The following HIBCH variants were observed in gnomAD, a reference collection of about 807,000 sequenced individuals.
HIBCH encodes the protein 3-hydroxyisobutyryl-CoA hydrolase, mitochondrial.
HIBCH carries 50 observed loss-of-function variants against 58.2 expected under a neutral mutation model. That is an observed-to-expected ratio of 0.86 (90% CI 0.68 to 1.09). The LOEUF (loss-of-function observed/expected upper bound fraction) is 1.09, where lower values mean the gene tolerates loss of function less well. Among genes scored for constraint, HIBCH ranks in the 50% least tolerant of loss-of-function variants. The pLI is 0.00. For missense variants in HIBCH, 450 were observed against 449.7 expected, an observed-to-expected ratio of 1.00 and a Z score of -0.01; for synonymous variants, 151 against 146.9, an observed-to-expected ratio of 1.03 and a Z score of -0.20.
chr2:190,313,269 C>T (rs1025081536), intron 1 of HIBCH, among the ~76,000 whole-genome samples: 26 of 151,996 alleles, frequency 1.7e-4, no homozygotes, highest in Admixed American at 6.6e-5. Context: ...TTAAACCTTT[C>T]ATAAGCAACT....
At chr2:190,296,195 T>C (rs931612975) in intron 3 of HIBCH, among the ~76,000 whole-genome samples, 2 of 152,030 alleles carry the variant, frequency 1.3e-5, no homozygotes, top group African/African-American at 2.4e-5. Flanking sequence ...CCGAGGCAGA[T>C]AGATCACAAA....
rs1476435660 is a variant in HIBCH at position 190,252,218 on chromosome 2, T to G, written c.607A>C (p.Lys203Gln). Residue 203 changes from lysine to glutamine, a missense_variant, in exon 8 of 14, where the codon AAA becomes CAA. Coordinates refer to ENST00000359678, the MANE Select transcript of HIBCH (RefSeq NM_014362.4). ...YFLALTGFRL[K>Q]GRDVYRAGIA... is the part of the protein sequence containing the mutation. ...CCTGCTCTGTACACATCTCTTCCTT[T>G]TAGTCTGAATCCTGTTAATGCAAGG... 4 of 1,613,860 alleles carry G rather than the reference T, an allele frequency of 2.5e-6. No homozygotes were observed. The highest frequency in any genetic ancestry group is 1.7e-5 in the Admixed American group (1 of 60,028).
Position 190,319,788 on chromosome 2 carries a change from T to G in HIBCH, c.-38A>C. ...CGAAGCTAAAGCAGCAGAGCGAGAATCTCCCGGACCGTTCCAGCGCCTCGC... is the reference window on the plus strand; with the variant it reads ...CGAAGCTAAAGCAGCAGAGCGAGAAGCTCCCGGACCGTTCCAGCGCCTCGC... On this transcript the variant is annotated 5_prime_UTR_variant, in exon 1 of 14. Coordinates refer to ENST00000359678, the MANE Select transcript of HIBCH (RefSeq NM_014362.4). 1 of 1,600,316 alleles carries G rather than the reference T, an allele frequency of 6.2e-7. No individual in the cohort carries two copies. Among genetic ancestry groups the G allele is most frequent in the Non-Finnish European group, 8.5e-7 (1 of 1,173,124 alleles).
At chr2:190,205,757 A>T (rs1423348460) in intron 13 of HIBCH, among the ~76,000 whole-genome samples, 1 of 152,144 alleles carries the variant, frequency 6.6e-6, no homozygotes, top group African/African-American at 2.4e-5. Flanking sequence ...CTCTGGATTT[A>T]AAAAAATCAG....
At chr2:190,314,328 T>TACACATATATAC (rs1491383953) in intron 1 of HIBCH, among the ~76,000 whole-genome samples, 2 of 3,876 alleles carry the variant, frequency 5.2e-4, no homozygotes, top group African/African-American at 3.4e-4. Flanking sequence ...TATGTATATA[T>TACACATATATAC]GTATATATAC....
intron 3 of HIBCH, 51 bp from the exon 4 acceptor site, chr2:190,294,681 A>C: frequency 7.4e-6 from 9 of 1,208,290 alleles, no homozygotes; most frequent in Non-Finnish European, 1.1e-5. Flanking sequence ...ACACAAACTC[A>C]TTAAAGTTAT....
At chr2:190,286,392 A>G (rs149813218) in intron 6 of HIBCH, among the ~76,000 whole-genome samples, 3 of 152,260 alleles carry the variant, frequency 2.0e-5, no homozygotes, top group Non-Finnish European at 4.4e-5. Context: ...GAAGGCTCCC[A>G]TGTCATGTAA....
downstream of HIBCH, chr2:190,199,960 T>A (rs1342566862): frequency 1.2e-6 from 2 of 1,613,986 alleles, no homozygotes; most frequent in African/African-American, 1.3e-5. Flanking sequence ...AGAAGAGAGA[T>A]GTCTACCTAG....
intron 11 of HIBCH, among the ~76,000 whole-genome samples, chr2:190,244,392 A>C (rs959242490): frequency 1.3e-5 from 2 of 152,176 alleles, no homozygotes; most frequent in Non-Finnish European, 2.9e-5. Context: ...ACACAGAAAC[A>C]CTACATAAGA....
At chr2:190,292,653 T>C (rs924892962) in intron 4 of HIBCH, among the ~76,000 whole-genome samples, 1 of 152,188 alleles carries the variant, frequency 6.6e-6, no homozygotes, top group African/African-American at 2.4e-5. Context: ...CCTACTTTTA[T>C]CATTCTGAGG....
chr2:190,201,799 G>A (rs936422736), downstream of HIBCH: 1 of 166,834 alleles, frequency 6.0e-6, no homozygotes, highest in Non-Finnish European at 1.5e-5. Context: ...ATTCATACAA[G>A]GATCTGAAGT....
rs888454378 is a variant in HIBCH, at chr2:190,306,403, GT to G, written c.78+4350del. ...TGCTGTAGACTCCACGAAGAAGAAGGTTTTTGCTGTGAGCCACCATGAAGAA... is the reference window on the plus strand; with the variant it reads ...TGCTGTAGACTCCACGAAGAAGAAGGTTTTGCTGTGAGCCACCATGAAGAA... On this transcript the variant is annotated intron_variant, in intron 2 of 13. Transcript: ENST00000359678. This position sits in a 1 kb window ranked among gnomAD's most constrained non-coding sequence, Gnocchi z 4.6. Among the ~76,000 whole-genome samples, 1 of 152,082 alleles carries G rather than the reference GT, an allele frequency of 6.6e-6. No homozygotes were observed. The highest frequency in any genetic ancestry group is 1.5e-5 in the Non-Finnish European group (1 of 68,014).
chr2:190,299,853 G>A (rs973755652), intron 2 of HIBCH, among the ~76,000 whole-genome samples: 3 of 152,016 alleles, frequency 2.0e-5, no homozygotes, highest in African/African-American at 7.2e-5. Context: ...AGTGTCTGTT[G>A]TTTTCCTCTT....
intron 11 of HIBCH, among the ~76,000 whole-genome samples, chr2:190,239,473 T>C (rs768757695): frequency 6.6e-6 from 1 of 152,140 alleles, no homozygotes; most frequent in Admixed American, 6.5e-5. Flanking sequence ...CCATATGAAA[T>C]TGTTTTTTCT....
At chr2:190,225,554 C>A (rs1685863928) in intron 11 of HIBCH, among the ~76,000 whole-genome samples, 1 of 152,164 alleles carries the variant, frequency 6.6e-6, no homozygotes, top group African/African-American at 2.4e-5. Flanking sequence ...CATATACCCT[C>A]CCAAGACTAA....
At chr2:190,264,322 T>C (rs1448985149) in intron 6 of HIBCH, among the ~76,000 whole-genome samples, 12 of 151,896 alleles carry the variant, frequency 7.9e-5, no homozygotes, top group African/African-American at 2.9e-4. Context: ...AATATCCACT[T>C]AAAGGTACAC....
chr2:190,272,782 G>C (rs757282045), intron 6 of HIBCH, among the ~76,000 whole-genome samples: 13 of 152,110 alleles, frequency 8.5e-5, no homozygotes, highest in Admixed American at 6.5e-4. Flanking sequence ...ACCGAAGGTA[G>C]TGAGGTCAAG....
chr2:190,314,308 T>C (rs1375113659), intron 1 of HIBCH, among the ~76,000 whole-genome samples: 13 of 9,512 alleles, frequency 1.4e-3, no homozygotes, highest in South Asian at 0.024. Context: ...TACATATATA[T>C]GTGTATATAT....
chr2:190,239,183 G>A (rs1247071137), intron 11 of HIBCH, among the ~76,000 whole-genome samples: 2 of 152,092 alleles, frequency 1.3e-5, no homozygotes, highest in Non-Finnish European at 2.9e-5. Context: ...TCTGCATATG[G>A]CTAGCCAAGT....
Sources: allele counts gnomAD v4.1 joint callset (sites outside exome capture counted in the v4.1 genomes callset), GRCh38; gene constraint gnomAD v4.1.1; non-coding constraint Gnocchi (gnomAD v3.1); transcripts MANE v1.5; gene names NCBI Gene and HGNC (gene_info 2026-07-23, HGNC 2026-07-21).